Variants in FGD4 observed in about 807,000 individuals in gnomAD.
The protein encoded by FGD4 is FYVE, RhoGEF and PH domain-containing protein 4.
In FGD4, 42 loss-of-function variants were observed where a neutral mutation model predicts 102.0. That is an observed-to-expected ratio of 0.41 (90% CI 0.32 to 0.53). FGD4 has a LOEUF of 0.53. FGD4 is among the 20% of genes least tolerant of loss of function. The pLI, the probability that FGD4 is intolerant of heterozygous loss-of-function variation, is 0.21. For synonymous variants in FGD4, 380 were observed against 375.7 expected (o/e 1.01, Z -0.13); for missense variants, 902 against 1,078.2 (o/e 0.84, Z 2.29).
intron 1 of FGD4, among the ~76,000 whole-genome samples, chr12:32,526,091 GCAGCCC>G (rs1941156613): frequency 6.6e-6 from 1 of 152,268 alleles, no homozygotes; most frequent in Non-Finnish European, 1.5e-5. Flanking sequence ...AGCTCCACCT[GCAGCCC>G]CGGTGCGGGA....
At chr12:32,459,649 A>T (rs1017654087) in intron 1 of FGD4, among the ~76,000 whole-genome samples, 9 of 152,188 alleles carry the variant, frequency 5.9e-5, no homozygotes, top group Non-Finnish European at 1.0e-4. Flanking sequence ...AAAAGATTTG[A>T]AAAAGAAATG....
At chr12:32,495,504 G>A (rs1232571226) in intron 1 of FGD4, among the ~76,000 whole-genome samples, 2 of 151,964 alleles carry the variant, frequency 1.3e-5, no homozygotes, top group Non-Finnish European at 2.9e-5. Flanking sequence ...AGACCATCCT[G>A]GCTAACACAG....
At chr12:32,458,362 A>G (rs1943004161) in intron 1 of FGD4, among the ~76,000 whole-genome samples, 1 of 151,908 alleles carries the variant, frequency 6.6e-6, no homozygotes, top group Non-Finnish European at 1.5e-5. Context: ...TTTTTTGTAG[A>G]GACAGGATTT....
intron 1 of FGD4, among the ~76,000 whole-genome samples, chr12:32,493,567 C>T (rs750252997): frequency 9.2e-5 from 14 of 152,362 alleles, no homozygotes; most frequent in Admixed American, 2.6e-4. Context: ...CCCAGGTGCA[C>T]GGTTACTTCC....
chr12:32,603,527 A>C (rs1186855700), intron 7 of FGD4, among the ~76,000 whole-genome samples: 4 of 152,022 alleles, frequency 2.6e-5, no homozygotes, highest in African/African-American at 9.6e-5. Context: ...CTGGGACTAC[A>C]GGCGCCTGCC....
chr12:32,457,814 CA>C (rs756264522), intron 1 of FGD4, among the ~76,000 whole-genome samples: 2 of 152,178 alleles, frequency 1.3e-5, no homozygotes, highest in Non-Finnish European at 2.9e-5. Context: ...AAACCAGAAA[CA>C]GAGTCCCTAG....
chr12:32,600,563 TTTGTTTTTCTTTCTTTCTTTCTTTCTTTC>T, intron 5 of FGD4: 1 of 646,394 alleles, frequency 1.5e-6, no homozygotes, highest in African/African-American at 2.1e-5. Context: ...GTTTTTGTTT[TTTGTTTTTCTTTCTTTCTTTCTTTCTTTC>T]TTTTTTTTTT....
intron 7 of FGD4, 47 bp from the exon 8 acceptor site, chr12:32,607,910 G>C (rs1299331432): frequency 6.2e-7 from 1 of 1,611,418 alleles, no homozygotes; most frequent in Non-Finnish European, 8.5e-7. Context: ...TTTTAGACTT[G>C]CTAACCTAAT....
intron 1 of FGD4, among the ~76,000 whole-genome samples, chr12:32,405,882 C>G (rs1335274360): frequency 6.7e-6 from 1 of 150,024 alleles, no homozygotes; most frequent in Non-Finnish European, 1.5e-5. Flanking sequence ...TTTTTTTTTT[C>G]AAATACGCAT....
chr12:32,590,982 C>A (rs1402291043), intron 4 of FGD4, among the ~76,000 whole-genome samples: 1 of 152,104 alleles, frequency 6.6e-6, no homozygotes, highest in African/African-American at 2.4e-5. Flanking sequence ...CCTGCAGCCC[C>A]AATGAAGGCT....
chr12:32,593,433 G>C (rs531218705), intron 4 of FGD4, among the ~76,000 whole-genome samples: 1 of 152,192 alleles, frequency 6.6e-6, no homozygotes, highest in Admixed American at 6.5e-5. Context: ...GCTTATCCTT[G>C]TGTTGGCTTT....
chr12:32,413,882 AGGAACT>A (rs1941299093), intron 1 of FGD4, among the ~76,000 whole-genome samples: 1 of 152,058 alleles, frequency 6.6e-6, no homozygotes, highest in African/African-American at 2.4e-5. Flanking sequence ...AGGTAGATGA[AGGAACT>A]ACAGAGAACA....
intron 1 of FGD4, among the ~76,000 whole-genome samples, chr12:32,466,236 G>A (rs890180300): frequency 3.9e-5 from 6 of 152,156 alleles, no homozygotes; most frequent in Admixed American, 6.5e-5. Flanking sequence ...ACTTTGTTTT[G>A]GTGGTCTGGA....
intron 1 of FGD4, among the ~76,000 whole-genome samples, chr12:32,501,190 T>G (rs1203553281): frequency 1.3e-5 from 2 of 152,226 alleles, no homozygotes; most frequent in African/African-American, 4.8e-5. Context: ...TAGCTGGGAC[T>G]ACAGGTGCGC....
chr12:32,586,328 T>C (rs1234810521), intron 4 of FGD4, among the ~76,000 whole-genome samples: 1 of 152,102 alleles, frequency 6.6e-6, no homozygotes, highest in Non-Finnish European at 1.5e-5. Flanking sequence ...GCACAGAAAA[T>C]ACACACAAAA....
rs770560590 is a variant in FGD4, at chr12:32,422,288, C to CTTT, written c.166+22355_166+22357dup. On this transcript the variant is annotated intron_variant, in intron 1 of 16. Transcript: ENST00000534526. Reference sequence around the variant, plus strand: ...TTGAAGCATCTCAAATTGGGAGCTGCTTTTTTTTTTTTTTTTTTTTTTTTT... The same window carrying CTTT: ...TTGAAGCATCTCAAATTGGGAGCTGCTTTTTTTTTTTTTTTTTTTTTTTTTTTT... 1.4e-3 allele frequency among the ~76,000 whole-genome samples: 74 copies of CTTT among 54,174 alleles called. 13 individuals carry two copies. The highest frequency in any genetic ancestry group is 4.3e-3 in the African/African-American group (56 of 12,924). The allele number at this position is 54,174 out of a possible 152,430, so 35.5% of individuals were successfully genotyped here. A position where few individuals can be genotyped will look rare whatever the true frequency, so the allele number is the denominator to read the frequency against.
rs933083371 is a variant in FGD4 at position 32,587,681 on chromosome 12, T to A, written c.1011+5214T>A. 2.7e-4 allele frequency among the ~76,000 whole-genome samples: 41 copies of A among 152,264 alleles called. 2 individuals carry two copies. Among genetic ancestry groups the A allele is most frequent in the Non-Finnish European group, 2.5e-4 (17 of 68,032 alleles). On this transcript the variant is annotated intron_variant, in intron 4 of 16. Transcript: ENST00000534526. ...GCTGACAGGTGTGAGCCACTGTGCC[T>A]GGCCAGACACATCACTTTAACAAAC...
At chr12:32,467,941 G>A (rs191487515) in intron 1 of FGD4, among the ~76,000 whole-genome samples, 5,802 of 152,224 alleles carry the variant, frequency 0.038, 170 homozygotes, top group South Asian at 0.12. Context: ...GCTTGAACCC[G>A]GGAGGTGGAG....
intron 15 of FGD4, among the ~76,000 whole-genome samples, chr12:32,638,094 A>G (rs1950954896): frequency 1.3e-5 from 2 of 151,976 alleles, no homozygotes; most frequent in Admixed American, 1.3e-4. Flanking sequence ...GGGCACAGTG[A>G]CTCACCCCTG....
Sources: gnomAD v4.1 joint callset for allele counts (sites outside exome capture counted in the v4.1 genomes callset) on GRCh38, gnomAD v4.1.1 for gene constraint, MANE v1.5 for transcripts, NCBI Gene and HGNC (gene_info 2026-07-23, HGNC 2026-07-21) for gene names.